Variants in ATP8B4 observed in about 807,000 individuals in gnomAD.
The protein encoded by ATP8B4 is ATPase phospholipid transporting 8B4 (putative), also known as probable phospholipid-transporting ATPase IM.
ATP8B4 carries 133 observed loss-of-function variants against 145.6 expected under a neutral mutation model. The observed-to-expected ratio is 0.91, with a 90% confidence interval of 0.79 to 1.05. The LOEUF is 1.05. Ranked by LOEUF, ATP8B4 falls within the 50% of genes least tolerant of loss-of-function variation. The probability of loss-of-function intolerance (pLI) is 0.00; values close to 1 mark genes in which losing one functional copy is unlikely to be tolerated. For missense variants in ATP8B4, 1,458 were observed against 1,425.2 expected (o/e 1.02, Z -0.37); for synonymous variants, 507 against 492.9 (o/e 1.03, Z -0.38).
intron 23 of ATP8B4, among the ~76,000 whole-genome samples, chr15:49,889,616 C>G (rs1423136374): frequency 6.6e-6 from 1 of 152,184 alleles, no homozygotes; most frequent in Non-Finnish European, 1.5e-5. Context: ...CTTCTTGAAG[C>G]CTTGCACACC....
At chr15:49,955,394 G>A (rs534610816) in intron 14 of ATP8B4, among the ~76,000 whole-genome samples, 12 of 152,304 alleles carry the variant, frequency 7.9e-5, no homozygotes, top group South Asian at 2.1e-4. Flanking sequence ...GTATTGTTGA[G>A]GATGTAGAAA....
intron 14 of ATP8B4, among the ~76,000 whole-genome samples, chr15:49,938,752 T>C (rs978287075): frequency 6.6e-6 from 1 of 152,046 alleles, no homozygotes; most frequent in African/African-American, 2.4e-5. Flanking sequence ...ACTTGACCAA[T>C]TGGACCTAAT....
chr15:49,897,045 G>A (rs924523122), intron 23 of ATP8B4: 6 of 422,440 alleles, frequency 1.4e-5, no homozygotes, highest in South Asian at 8.3e-5. Flanking sequence ...AGTATGCATG[G>A]AAGGAGTACT....
At chr15:50,077,020 G>A (rs1040681395) in intron 2 of ATP8B4, among the ~76,000 whole-genome samples, 2 of 152,150 alleles carry the variant, frequency 1.3e-5, no homozygotes, top group African/African-American at 2.4e-5. Flanking sequence ...CATTGAGAAC[G>A]GCTCAGAGGT....
In ATP8B4 at chr15:50,106,988, A is replaced by C; in HGVS notation, c.-22T>G. On this transcript the variant is annotated 5_prime_UTR_variant, in exon 2 of 28. Coordinates refer to ENST00000284509, the MANE Select transcript of ATP8B4 (RefSeq NM_024837.4). ...ACATTATTATACCTGATCTTTCACC[A>C]GGTCTCAACAGGTGGCCTACCTAAG... is the stretch of plus-strand genomic sequence containing the variant. 6.4e-7 allele frequency: 1 copy of C among 1,563,372 alleles called. No homozygotes were observed. Among genetic ancestry groups the C allele is most frequent in the Middle Eastern group, 1.7e-4 (1 of 5,878 alleles).
intron 14 of ATP8B4, among the ~76,000 whole-genome samples, chr15:49,942,481 A>G (rs1316143005): frequency 2.0e-5 from 3 of 152,128 alleles, no homozygotes; most frequent in African/African-American, 7.2e-5. Flanking sequence ...GAAGAAAAAA[A>G]TAGGGCTACT....
chr15:49,875,277 A>C (rs2034237758), intron 25 of ATP8B4, among the ~76,000 whole-genome samples: 2 of 152,318 alleles, frequency 1.3e-5, no homozygotes, highest in South Asian at 4.1e-4. Flanking sequence ...TATTTCAGTT[A>C]CTACCTTTCA....
intron 9 of ATP8B4, 66 bp downstream of exon 9, chr15:49,996,611 C>T: frequency 1.6e-6 from 2 of 1,256,978 alleles, no homozygotes; most frequent in African/African-American, 3.0e-5. Context: ...TTGGATCTCA[C>T]ATTACTTTGT....
chr15:49,885,292 T>C (rs1284796376), intron 23 of ATP8B4, among the ~76,000 whole-genome samples: 1 of 152,200 alleles, frequency 6.6e-6, no homozygotes, highest in Non-Finnish European at 1.5e-5. Flanking sequence ...ATATGGAAGT[T>C]TCCTCTGAAC....
chr15:49,987,096 TG>T (rs1259681410), intron 10 of ATP8B4, among the ~76,000 whole-genome samples: 16 of 152,260 alleles, frequency 1.1e-4, no homozygotes, highest in African/African-American at 3.8e-4. Flanking sequence ...GTGATTAAGA[TG>T]GGGTTAATGA....
At chr15:50,142,028 A>G (rs1410048279) in intron 1 of ATP8B4, among the ~76,000 whole-genome samples, 1 of 152,176 alleles carries the variant, frequency 6.6e-6, no homozygotes, top group East Asian at 1.9e-4. Context: ...CCTAAAATGT[A>G]AAAACTGAGG....
intron 1 of ATP8B4, among the ~76,000 whole-genome samples, chr15:50,130,208 CAGAGAATTTTAAG>C (rs1195013706): frequency 6.6e-6 from 1 of 152,172 alleles, no homozygotes; most frequent in Non-Finnish European, 1.5e-5. Flanking sequence ...GAACCCTCTT[CAGAGAATTTTAAG>C]AAATCAGAGC....
At chr15:50,051,489 G>C (rs1187573887) in intron 3 of ATP8B4, among the ~76,000 whole-genome samples, 1 of 152,158 alleles carries the variant, frequency 6.6e-6, no homozygotes, top group African/African-American at 2.4e-5. Context: ...AGCTTAGTTG[G>C]TCTGATGCAC....
intron 9 of ATP8B4, among the ~76,000 whole-genome samples, chr15:49,994,587 G>A (rs1221034562): frequency 6.6e-6 from 1 of 151,892 alleles, no homozygotes; most frequent in East Asian, 1.9e-4. Flanking sequence ...AAAAATAAAT[G>A]AATTATCCAG....
At chr15:50,111,597 G>A (rs758598182) in intron 1 of ATP8B4, among the ~76,000 whole-genome samples, 26 of 152,144 alleles carry the variant, frequency 1.7e-4, no homozygotes, top group Non-Finnish European at 3.5e-4. Context: ...GGGGAAGCAG[G>A]ACATGGTAGA....
intron 14 of ATP8B4, among the ~76,000 whole-genome samples, chr15:49,944,624 T>G (rs764789901): frequency 6.6e-6 from 1 of 151,916 alleles, no homozygotes; most frequent in East Asian, 1.9e-4. Flanking sequence ...TAGTAAGAGG[T>G]GTCAATATTT....
intron 23 of ATP8B4, chr15:49,896,890 C>T (rs957932312): frequency 3.3e-5 from 6 of 179,348 alleles, no homozygotes; most frequent in Non-Finnish European, 5.9e-5. Context: ...AGTCCAGATA[C>T]ATTTAGTGTG....
At chr15:50,048,980 A>G (rs1222277817) in intron 3 of ATP8B4, among the ~76,000 whole-genome samples, 1 of 152,116 alleles carries the variant, frequency 6.6e-6, no homozygotes, top group Non-Finnish European at 1.5e-5. Context: ...AGGAGCGGGA[A>G]AAACTAGGCA....
chr15:49,983,678 C>A (rs376677629), intron 10 of ATP8B4, among the ~76,000 whole-genome samples: 1 of 152,198 alleles, frequency 6.6e-6, no homozygotes, highest in Non-Finnish European at 1.5e-5. Context: ...CACATATACA[C>A]CCCACCTGTT....
Sources: allele counts gnomAD v4.1 joint callset (sites outside exome capture counted in the v4.1 genomes callset), GRCh38; gene constraint gnomAD v4.1.1; transcripts MANE v1.5; gene names NCBI Gene and HGNC (gene_info 2026-07-23, HGNC 2026-07-21).